SH3KBP1: variants seen among roughly 807,000 people sequenced by gnomAD.
SH3KBP1 encodes SH3 domain containing kinase binding protein 1.
SH3KBP1 carries 8 observed loss-of-function variants against 50.1 expected under a neutral mutation model. The observed-to-expected ratio is 0.16, with a 90% CI of 0.09 to 0.29. SH3KBP1 has a LOEUF of 0.29. SH3KBP1 is among the 10% of genes least tolerant of loss of function. The pLI is 1.00. For synonymous variants in SH3KBP1, 227 were observed against 218.6 expected (o/e 1.04, Z -0.34); for missense variants, 377 against 535.2 (o/e 0.70, Z 2.92).
At chrX:19,866,330 G>C (rs2068906515) in intron 1 of SH3KBP1, among the ~76,000 whole-genome samples, 2 of 111,849 alleles carry the variant, frequency 1.8e-5, no homozygotes, top group Non-Finnish European at 3.8e-5. Context: ...TAGCCCCTCA[G>C]CTACCCTGAA....
intron 2 of SH3KBP1, among the ~76,000 whole-genome samples, chrX:19,819,076 T>C (rs2067442042): frequency 8.9e-6 from 1 of 112,281 alleles, no homozygotes; most frequent in African/African-American, 3.2e-5. Flanking sequence ...CATGACAAAT[T>C]CAATTTCTTT....
In SH3KBP1 at chrX:19,588,836, C is replaced by G. The variant is rs188547874; in HGVS notation, c.1139-34G>C. ...CATTGTTTAAAGAAAACAGATAGAT[C>G]GAGTGTAAGTGACAGTACTTAGATG... On this transcript the variant is annotated intron_variant, in intron 11 of 17. Coordinates refer to ENST00000397821, the MANE Select transcript of SH3KBP1 (RefSeq NM_031892.3). 8 of 1,063,400 alleles carry G rather than the reference C, an allele frequency of 7.5e-6. No individual in the cohort carries two copies. The East Asian group carries it at 2.2e-4, about 29-fold the overall frequency. The allele number at this position is 1,063,400 out of a possible 1,213,427, so 87.6% of individuals were successfully genotyped here.
chrX:19,726,860 C>T (rs2064236021), intron 3 of SH3KBP1, among the ~76,000 whole-genome samples: 1 of 111,885 alleles, frequency 8.9e-6, no homozygotes, highest in African/African-American at 3.3e-5. Flanking sequence ...GTTAGGAACA[C>T]TAATTTTAAA....
intron 11 of SH3KBP1, 72 bp from the exon 12 acceptor site, chrX:19,588,874 T>A: frequency 1.1e-6 from 1 of 900,835 alleles, no homozygotes; most frequent in Non-Finnish European, 1.5e-6. Flanking sequence ...GATCACTCAT[T>A]TCCTGCTAAA....
At chrX:19,694,988 T>C in intron 5 of SH3KBP1, 10 of 1,193,689 alleles carry the variant, frequency 8.4e-6, no homozygotes, top group Non-Finnish European at 1.1e-5. Context: ...AGTTTCCCGG[T>C]CCTGACCTTT....
intron 2 of SH3KBP1, among the ~76,000 whole-genome samples, chrX:19,787,620 T>C (rs2066388580): frequency 8.9e-6 from 1 of 111,889 alleles, no homozygotes; most frequent in Admixed American, 9.5e-5. Flanking sequence ...GATATTTAAA[T>C]AGCATCTGTG....
intron 16 of SH3KBP1, among the ~76,000 whole-genome samples, chrX:19,539,087 T>C: frequency 8.9e-6 from 1 of 112,031 alleles, no homozygotes; most frequent in Non-Finnish European, 1.9e-5. Context: ...TTAAAAATAA[T>C]GAAGTGCACA....
intron 2 of SH3KBP1, among the ~76,000 whole-genome samples, chrX:19,780,284 G>A (rs1299884902): frequency 3.1e-5 from 3 of 96,855 alleles, no homozygotes; most frequent in Non-Finnish European, 6.2e-5. Flanking sequence ...CTTTTTGATG[G>A]GGTTGTTTGT....
chrX:19,746,564 T>C, intron 2 of SH3KBP1, 123 bp from the exon 3 acceptor site: 1 of 660,133 alleles, frequency 1.5e-6, no homozygotes. Flanking sequence ...CATAACATCA[T>C]GTTTTAAAAA....
At chrX:19,646,906 G>A (rs2062005199) in intron 6 of SH3KBP1, among the ~76,000 whole-genome samples, 2 of 112,153 alleles carry the variant, frequency 1.8e-5, no homozygotes, top group African/African-American at 3.2e-5. Flanking sequence ...CTGCCGCTAA[G>A]TACTCAAACT....
intron 6 of SH3KBP1, chrX:19,670,260 T>G (rs758999406): frequency 5.6e-6 from 3 of 535,709 alleles, no homozygotes; most frequent in Non-Finnish European, 6.8e-6. Flanking sequence ...GCCAAATATC[T>G]TTACCCCATC....
chrX:19,689,212 T>C (rs2063230935), intron 5 of SH3KBP1, among the ~76,000 whole-genome samples: 1 of 112,044 alleles, frequency 8.9e-6, no homozygotes, highest in South Asian at 3.7e-4. Flanking sequence ...TTTGAAGCTC[T>C]TGAGGACTTT....
chrX:19,765,084 C>T (rs2065562358), intron 2 of SH3KBP1, among the ~76,000 whole-genome samples: 1 of 104,779 alleles, frequency 9.5e-6, no homozygotes, highest in Admixed American at 1.0e-4. Context: ...GATCCGCCCA[C>T]CTTGGCCTTC....
chrX:19,557,609 G>A (rs762628640), intron 13 of SH3KBP1, among the ~76,000 whole-genome samples: 9 of 111,962 alleles, frequency 8.0e-5, no homozygotes, highest in African/African-American at 2.6e-4. Flanking sequence ...GGTAAGTATA[G>A]CTATTTAATT....
intron 2 of SH3KBP1, among the ~76,000 whole-genome samples, chrX:19,792,925 A>T (rs977673109): frequency 2.7e-5 from 3 of 110,404 alleles, no homozygotes; most frequent in African/African-American, 9.9e-5. Context: ...AACAGTGCCA[A>T]GGCTAAGAAA....
rs201544483 is a variant in SH3KBP1, at chrX:19,643,300, A to ATTTTTTTTTTTTTTTTTTTTTTTTTTTT, written c.802+2099_802+2100insAAAAAAAAAAAAAAAAAAAAAAAAAAAA. Among the ~76,000 whole-genome samples the ATTTTTTTTTTTTTTTTTTTTTTTTTTTT allele has an allele frequency of 2.3e-5, 2 of 86,908 alleles. 1 individual carries two copies. Among genetic ancestry groups the ATTTTTTTTTTTTTTTTTTTTTTTTTTTT allele is most frequent in the African/African-American group, 1.1e-4 (2 of 17,408 alleles). The allele number at this position is 86,908 out of a possible 115,157, so 75.5% of individuals were successfully genotyped here. A position where few individuals can be genotyped will look rare whatever the true frequency, so the allele number is the denominator to read the frequency against. On this transcript the variant is annotated intron_variant, in intron 7 of 17. Coordinates refer to ENST00000397821, the MANE Select transcript of SH3KBP1 (RefSeq NM_031892.3). ...AGTGTGTGTGGGCTGAAACTGAAGA[A>ATTTTTTTTTTTTTTTTTTTTTTTTTTTT]TTTTTTATTTTTTTTTTTTTTATTT... is the stretch of plus-strand genomic sequence containing the variant.
chrX:19,692,624 CGTGT>C (rs534431997), intron 5 of SH3KBP1, among the ~76,000 whole-genome samples: 3,175 of 68,601 alleles, frequency 0.046, 104 homozygotes, highest in African/African-American at 0.082. Context: ...TATATACATA[CGTGT>C]GTGTGTGTGT....
chrX:19,883,895 CT>C (rs1014150881), intron 1 of SH3KBP1, among the ~76,000 whole-genome samples: 3 of 111,509 alleles, frequency 2.7e-5, no homozygotes, highest in Admixed American at 9.5e-5. Context: ...CAAATTCCCC[CT>C]GGTAGCATCC....
intron 2 of SH3KBP1, among the ~76,000 whole-genome samples, chrX:19,787,614 T>A (rs770858889): frequency 1.8e-5 from 2 of 111,921 alleles, no homozygotes; most frequent in Non-Finnish European, 3.8e-5. Context: ...CAAAATGATA[T>A]TTAAATAGCA....
Sources: allele counts gnomAD v4.1 joint callset (sites outside exome capture counted in the v4.1 genomes callset), GRCh38; gene constraint gnomAD v4.1.1; transcripts MANE v1.5; gene names NCBI Gene and HGNC (gene_info 2026-07-23, HGNC 2026-07-21).